Variants in GABPA observed in about 807,000 individuals in gnomAD.
The protein encoded by GABPA is GA binding protein transcription factor subunit alpha.
A neutral mutation model predicts 59.4 loss-of-function variants in GABPA; 4 were observed. The ratio of observed to expected loss-of-function variants is 0.07; its 90% CI spans 0.03 to 0.15. GABPA has a LOEUF of 0.15. Among genes scored for constraint, GABPA ranks in the 10% least tolerant of loss-of-function variants. The probability of loss-of-function intolerance (pLI) is 1.00; values close to 1 mark genes in which losing one functional copy is unlikely to be tolerated. For synonymous variants in GABPA, 164 were observed against 183.1 expected, an observed-to-expected ratio of 0.90 and a Z score of 0.84; for missense variants, 251 against 543.8, an observed-to-expected ratio of 0.46 and a Z score of 5.36.
intron 5 of GABPA, among the ~76,000 whole-genome samples, chr21:25,756,899 A>T (rs1484229068): frequency 1.3e-5 from 2 of 152,202 alleles, no homozygotes; most frequent in Non-Finnish European, 2.9e-5. Context: ...TTATGGAAAA[A>T]TTTTAAAATA....
Position 25,769,145 on chromosome 21 carries a change from T to A in GABPA, c.1278T>A (p.Leu426=). The A allele has an allele frequency of 6.2e-7, 1 of 1,612,270 alleles. No individual in the cohort carries two copies. The highest frequency in any genetic ancestry group is 8.5e-7 in the Non-Finnish European group (1 of 1,178,418). The change falls in exon 10 of 10, where the codon CTT becomes CTA. Residue 426 remains leucine, a synonymous_variant. Coordinates refer to ENST00000400075, the MANE Select transcript of GABPA (RefSeq NM_002040.4). The stretch of plus-strand genomic sequence containing the variant: ...TCACAGAATGTGAACAGAAGAAACT[T>A]GCAAAGATGCAGCTCCATGGAATTG... ...RLVTECEQKK[L]AKMQLHGIAQ... is the part of the protein sequence containing the mutation.
chr21:25,763,118 A>G (rs372921237), intron 7 of GABPA: 1 of 477,328 alleles, frequency 2.1e-6, no homozygotes, highest in Non-Finnish European at 4.1e-6. Context: ...CTCCATTTTC[A>G]TGTCATCTTT....
At chr21:25,743,392 A>G (rs1222704580) in intron 2 of GABPA, among the ~76,000 whole-genome samples, 1 of 152,162 alleles carries the variant, frequency 6.6e-6, no homozygotes. Context: ...GCATGCATAT[A>G]TTTATACATG....
In GABPA at chr21:25,752,189, C is replaced by T. The variant is rs201578633; in HGVS notation, c.508C>T (p.Leu170=). Residue 170 remains leucine, a synonymous_variant, in exon 5 of 10, where the codon CTG becomes TTG. Coordinates refer to ENST00000400075, the MANE Select transcript of GABPA (RefSeq NM_002040.4). ...ACAAGTGACAAGATGGGCTGCTGCA[C>T]TGGAAGGCTATAGGAAAGAACAAGA... is the stretch of plus-strand genomic sequence containing the variant. The part of the protein sequence containing the change: ...SEQVTRWAAA[L]EGYRKEQERL... The T allele has an allele frequency of 3.5e-5, 57 of 1,612,930 alleles. No homozygotes were observed. Among genetic ancestry groups the T allele is most frequent in the South Asian group, 4.4e-5 (4 of 91,034 alleles).
intron 9 of GABPA, 140 bp downstream of exon 9, chr21:25,764,927 C>G: frequency 3.5e-6 from 2 of 563,552 alleles, no homozygotes; most frequent in Non-Finnish European, 5.7e-6. Context: ...TATTAAAAAA[C>G]CTTTTTAAAA....
chr21:25,768,834 G>A (rs1446655411), intron 9 of GABPA, among the ~76,000 whole-genome samples, 170 bp from the exon 10 acceptor site: 1 of 152,020 alleles, frequency 6.6e-6, no homozygotes, highest in African/African-American at 2.4e-5. Flanking sequence ...AAATAATGTT[G>A]GGATGTTTCA....
At chr21:25,768,308 C>T (rs2035939712) in intron 9 of GABPA, among the ~76,000 whole-genome samples, 1 of 151,962 alleles carries the variant, frequency 6.6e-6, no homozygotes, top group South Asian at 2.1e-4. Flanking sequence ...AGACTTAAAG[C>T]TCCCTATTGG....
rs558812994 is a variant in GABPA, at chr21:25,771,648, T to G, written c.*2416T>G. The G allele has an allele frequency of 5.3e-5, 8 of 152,144 alleles. No individual in the cohort carries two copies. In the South Asian group the frequency reaches 1.7e-3, roughly 32 times the overall value. 9.4% of individuals were successfully genotyped at this position (152,144 alleles called of 1,614,324 possible). On this transcript the variant is annotated 3_prime_UTR_variant, in exon 10 of 10. Coordinates refer to ENST00000400075, the MANE Select transcript of GABPA (RefSeq NM_002040.4). Reference sequence around the variant, plus strand: ...AATAAAATTTATGCTATTCTTTGCTTTGTTTTTATAAATGAATTTTTCATA... The same window carrying G: ...AATAAAATTTATGCTATTCTTTGCTGTGTTTTTATAAATGAATTTTTCATA...
At chr21:25,761,730 A>G (rs1334047676) in intron 6 of GABPA, among the ~76,000 whole-genome samples, 1 of 152,228 alleles carries the variant, frequency 6.6e-6, no homozygotes, top group African/African-American at 2.4e-5. Flanking sequence ...GTAAAGCCTT[A>G]TCTCAGGACC....
chr21:25,767,240 C>G (rs1371133808), intron 9 of GABPA, among the ~76,000 whole-genome samples: 1 of 151,864 alleles, frequency 6.6e-6, no homozygotes, highest in African/African-American at 2.4e-5. Flanking sequence ...TGTTCTGTTT[C>G]TTGACCTGAG....
At chr21:25,762,957 G>A (rs1342288490) in intron 7 of GABPA, 4 of 368,428 alleles carry the variant, frequency 1.1e-5, no homozygotes, top group Admixed American at 6.9e-5. Context: ...CAAACCCTTC[G>A]CCGCCTCCAC....
intron 1 of GABPA, among the ~76,000 whole-genome samples, chr21:25,737,634 C>G (rs1448330149): frequency 6.6e-6 from 1 of 152,148 alleles, no homozygotes; most frequent in African/African-American, 2.4e-5. Context: ...CCCAGGTGTC[C>G]CTGCTGATAC....
intron 3 of GABPA, among the ~76,000 whole-genome samples, chr21:25,747,371 C>G (rs1452374952): frequency 2.0e-5 from 3 of 152,088 alleles, no homozygotes; most frequent in African/African-American, 7.2e-5. Flanking sequence ...GAAAGTATGG[C>G]CTGCAGATTA....
intron 3 of GABPA, 24 bp from the exon 4 acceptor site, chr21:25,749,012 C>G: frequency 6.9e-7 from 1 of 1,457,468 alleles, no homozygotes; most frequent in Non-Finnish European, 9.6e-7. Context: ...CTGAAATAAT[C>G]TTACTCATTT....
intron 5 of GABPA, among the ~76,000 whole-genome samples, chr21:25,752,727 A>G (rs1490874207): frequency 2.0e-5 from 3 of 152,198 alleles, no homozygotes; most frequent in Admixed American, 1.3e-4. Flanking sequence ...GGAGTGGTTA[A>G]GGAGTTACTC....
chr21:25,765,476 C>T (rs772760956), intron 9 of GABPA, among the ~76,000 whole-genome samples: 2 of 152,094 alleles, frequency 1.3e-5, no homozygotes, highest in Non-Finnish European at 1.5e-5. Flanking sequence ...CTCACACACA[C>T]ACACTCTCCC....
At chr21:25,762,603 A>G (rs1314446125) in intron 7 of GABPA, among the ~76,000 whole-genome samples, 1 of 152,216 alleles carries the variant, frequency 6.6e-6, no homozygotes, top group African/African-American at 2.4e-5. Flanking sequence ...TTGTTAGGAC[A>G]TCATTTGTTT....
At position 25,769,252 on chromosome 21, in the gene GABPA, C is replaced by T; in HGVS notation, c.*20C>T. 1.4e-6 allele frequency: 2 copies of T among 1,481,230 alleles called. No homozygotes were observed. Among genetic ancestry groups the T allele is most frequent in the Non-Finnish European group, 1.9e-6 (2 of 1,060,546 alleles). 91.8% of individuals were successfully genotyped at this position (1,481,230 alleles called of 1,614,324 possible). ...AATTGAGCCCCAGGACATTCTGAGA[C>T]TCCAAAGTCTTTCTTAAAATGTTTA... On this transcript the variant is annotated 3_prime_UTR_variant, in exon 10 of 10. Transcript: ENST00000400075.
intron 3 of GABPA, among the ~76,000 whole-genome samples, chr21:25,748,504 T>C (rs1461589094): frequency 2.0e-5 from 3 of 152,132 alleles, no homozygotes. Flanking sequence ...TGATATAGAA[T>C]TAGGATTCAA....
Sources: allele counts gnomAD v4.1 joint callset (sites outside exome capture counted in the v4.1 genomes callset), GRCh38; gene constraint gnomAD v4.1.1; transcripts MANE v1.5; gene names NCBI Gene and HGNC (gene_info 2026-07-23, HGNC 2026-07-21).